NAA35: variants seen among roughly 807,000 people sequenced by gnomAD.
NAA35 encodes the protein MAK10 homolog, amino-acid N-acetyltransferase subunit.
Under a neutral mutation model 101.7 loss-of-function variants are expected in NAA35, and 18 were observed. The ratio of observed to expected loss-of-function variants is 0.18; its 90% CI spans 0.12 to 0.26. The LOEUF is 0.26. NAA35 is among the 10% of genes least tolerant of loss of function. NAA35 has a pLI of 1.00. For synonymous variants in NAA35, 267 were observed against 273.1 expected (o/e 0.98, Z 0.22); for missense variants, 601 against 886.8 (o/e 0.68, Z 4.09).
chr9:85,969,500 C>T (rs952337172), intron 6 of NAA35, among the ~76,000 whole-genome samples: 3 of 152,138 alleles, frequency 2.0e-5, no homozygotes, highest in African/African-American at 7.2e-5. Context: ...TCCCTGTGTT[C>T]TTTGCATAAT....
In NAA35 at chr9:86,014,128, C is replaced by A. The variant is rs1832084921; in HGVS notation, c.1568+231C>A. Among the ~76,000 whole-genome samples, 4 of 152,050 alleles carry A rather than the reference C, an allele frequency of 2.6e-5. No homozygotes were observed. The South Asian group carries it at 8.3e-4, about 32-fold the overall frequency. ...TGTAAAAATTAACAAAAAATGACTC[C>A]AAAGTAAATGGATTAATTGAAGATC... On this transcript the variant is annotated intron_variant, in intron 17 of 22. Transcript: ENST00000361671.
At chr9:86,016,750 C>A in intron 18 of NAA35, 75 bp downstream of exon 18, 1 of 1,451,578 alleles carries the variant, frequency 6.9e-7, no homozygotes, top group Non-Finnish European at 9.4e-7. Context: ...GAGAGCTACT[C>A]GTGAGTTGGT....
intron 6 of NAA35, among the ~76,000 whole-genome samples, chr9:85,963,033 G>C (rs533995868): frequency 6.6e-6 from 1 of 151,992 alleles, no homozygotes; most frequent in Non-Finnish European, 1.5e-5. Flanking sequence ...ACAAAAAAAA[G>C]AATTGTAAGG....
intron 12 of NAA35, among the ~76,000 whole-genome samples, chr9:86,002,453 T>C (rs1392323881): frequency 3.3e-5 from 5 of 152,210 alleles, no homozygotes; most frequent in African/African-American, 1.2e-4. Context: ...AAATATATTT[T>C]CCAAGATGTT....
intron 11 of NAA35, among the ~76,000 whole-genome samples, chr9:85,981,455 A>T (rs538282655): frequency 7.9e-4 from 121 of 152,302 alleles, no homozygotes; most frequent in Middle Eastern, 3.4e-3. Flanking sequence ...CTCCTGGGCT[A>T]TTCTGCTCTG....
chr9:85,969,365 A>G (rs1829900194), intron 6 of NAA35, among the ~76,000 whole-genome samples: 1 of 151,730 alleles, frequency 6.6e-6, no homozygotes, highest in African/African-American at 2.4e-5. Flanking sequence ...TACCTGCCAA[A>G]ATGTGCCCTA....
At chr9:85,969,270 CAAAAAA>C (rs61275261) in intron 6 of NAA35, among the ~76,000 whole-genome samples, 10 of 105,634 alleles carry the variant, frequency 9.5e-5, no homozygotes, top group African/African-American at 2.7e-4. Flanking sequence ...CCTGGTATGT[CAAAAAA>C]AAAAAAAAAA....
intron 17 of NAA35, 55 bp downstream of exon 17, chr9:86,013,952 G>T (rs1205460611): frequency 2.2e-5 from 29 of 1,291,364 alleles, no homozygotes; most frequent in Non-Finnish European, 2.7e-5. Context: ...TAAGATCTGA[G>T]AATTCAGAGT....
chr9:85,945,136 T>C lies in NAA35; in HGVS notation c.124+2853T>C, dbSNP rs564025817. Among the ~76,000 whole-genome samples, 14 of 152,282 alleles carry C rather than the reference T, an allele frequency of 9.2e-5. No individual in the cohort carries two copies. In the East Asian group the frequency reaches 1.5e-3, roughly 17 times the overall value. ...TTGTGAAGGAACCTTGAGTGGGAGATAAAGTTTAATCCATGTTTCACTGTG... is the reference window on the plus strand; with the variant it reads ...TTGTGAAGGAACCTTGAGTGGGAGACAAAGTTTAATCCATGTTTCACTGTG... On this transcript the variant is annotated intron_variant, in intron 2 of 22. Transcript: ENST00000361671.
At chr9:85,968,186 A>G (rs765726628) in intron 6 of NAA35, among the ~76,000 whole-genome samples, 6 of 151,854 alleles carry the variant, frequency 4.0e-5, no homozygotes, top group Non-Finnish European at 5.9e-5. Flanking sequence ...CTGGTCCAGT[A>G]TTTTCTTTCT....
chr9:85,957,596 T>C (rs1485091949), intron 3 of NAA35, among the ~76,000 whole-genome samples: 2 of 152,182 alleles, frequency 1.3e-5, no homozygotes, highest in Non-Finnish European at 2.9e-5. Context: ...AGTTTTAACA[T>C]GAATTTTGGT....
At chr9:85,984,796 C>G (rs1830580695) in intron 11 of NAA35, among the ~76,000 whole-genome samples, 1 of 152,062 alleles carries the variant, frequency 6.6e-6, no homozygotes, top group Non-Finnish European at 1.5e-5. Context: ...ATCAAAGATG[C>G]TAAGACAACT....
rs1247252897 is a variant in NAA35, at chr9:86,018,546, T to TA, written c.1914+152dup. Reference sequence around the variant, plus strand: ...CATATGAGGGTTGAGAATTATATATTACCTAGGAAAAAATAGGGAGATGTG... The same window carrying TA: ...CATATGAGGGTTGAGAATTATATATTAACCTAGGAAAAAATAGGGAGATGTG... On this transcript the variant is annotated intron_variant, in intron 20 of 22. Transcript: ENST00000361671. 6.7e-5 allele frequency: 88 copies of TA among 1,312,176 alleles called. No homozygotes were observed. In the East Asian group the frequency reaches 2.1e-3, roughly 31 times the overall value. 81.3% of individuals were successfully genotyped at this position (1,312,176 alleles called of 1,614,324 possible).
intron 14 of NAA35, among the ~76,000 whole-genome samples, chr9:86,008,315 GCCT>G (rs1399207639): frequency 6.6e-6 from 1 of 152,170 alleles, no homozygotes; most frequent in African/African-American, 2.4e-5. Flanking sequence ...GCCCACCTTG[GCCT>G]CCCAAAGTGC....
At chr9:85,976,909 G>A (rs1313809660) in intron 9 of NAA35, among the ~76,000 whole-genome samples, 174 bp downstream of exon 9, 2 of 152,090 alleles carry the variant, frequency 1.3e-5, no homozygotes, top group African/African-American at 2.4e-5. Context: ...TGATAATACA[G>A]CTCTTTCAAA....
chr9:85,986,264 A>G (rs573957586), intron 11 of NAA35, among the ~76,000 whole-genome samples: 108 of 152,350 alleles, frequency 7.1e-4, no homozygotes, highest in Non-Finnish European at 1.1e-3. Flanking sequence ...ATCTGGGGCA[A>G]TGGATAACTT....
intron 5 of NAA35, among the ~76,000 whole-genome samples, chr9:85,961,656 A>G (rs981971703): frequency 2.0e-5 from 3 of 152,196 alleles, no homozygotes; most frequent in Non-Finnish European, 4.4e-5. Context: ...TAAGGATTAT[A>G]AAGTTCAATG....
At chr9:86,006,403 G>A (rs1048103760) in intron 13 of NAA35, among the ~76,000 whole-genome samples, 6 of 152,292 alleles carry the variant, frequency 3.9e-5, no homozygotes, top group Admixed American at 3.3e-4. Context: ...CAACCCAAAT[G>A]TTCTTGAGCT....
intron 2 of NAA35, among the ~76,000 whole-genome samples, chr9:85,949,441 C>A (rs1026178158): frequency 7.9e-5 from 12 of 151,894 alleles, no homozygotes. Context: ...ACTACAGGTG[C>A]CTGCCACCAT....
Sources: gnomAD v4.1 joint callset for allele counts (sites outside exome capture counted in the v4.1 genomes callset) on GRCh38, gnomAD v4.1.1 for gene constraint, MANE v1.5 for transcripts, NCBI Gene and HGNC (gene_info 2026-07-23, HGNC 2026-07-21) for gene names.